DOCK3: variants seen among roughly 807,000 people sequenced by gnomAD.
DOCK3 encodes dedicator of cytokinesis 3, also known as dedicator of cytokinesis protein 3.
A neutral mutation model predicts 265.6 loss-of-function variants in DOCK3; 60 were observed. The ratio of observed to expected loss-of-function variants is 0.23; its 90% CI spans 0.18 to 0.28. DOCK3 has a LOEUF of 0.28. Ranked by LOEUF, DOCK3 falls within the 10% of genes least tolerant of loss-of-function variation. DOCK3 has a pLI of 1.00. For missense variants in DOCK3, 1,981 were observed against 2,594.3 expected (o/e 0.76, Z 5.14); for synonymous variants, 881 against 938.0 (o/e 0.94, Z 1.11).
intron 1 of DOCK3, among the ~76,000 whole-genome samples, chr3:50,709,484 C>T (rs556296031): frequency 1.8e-4 from 27 of 152,200 alleles, no homozygotes; most frequent in Non-Finnish European, 2.9e-4. Flanking sequence ...AAGGGGAAAG[C>T]GTTCAGTCCT....
At chr3:50,966,458 A>T (rs773573370) in intron 5 of DOCK3, among the ~76,000 whole-genome samples, 5 of 143,662 alleles carry the variant, frequency 3.5e-5, no homozygotes, top group Non-Finnish European at 7.6e-5. Flanking sequence ...TTTCTCTACA[A>T]CTTCATCAAT....
chr3:50,827,618 C>T (rs1485340760), intron 2 of DOCK3, among the ~76,000 whole-genome samples: 1 of 151,982 alleles, frequency 6.6e-6, no homozygotes, highest in Non-Finnish European at 1.5e-5. Flanking sequence ...TAGAATGGTG[C>T]AAAAGTAATT....
intron 9 of DOCK3, among the ~76,000 whole-genome samples, chr3:51,120,983 C>T (rs1363465899): frequency 1.3e-5 from 2 of 152,142 alleles, no homozygotes; most frequent in Admixed American, 6.5e-5. Flanking sequence ...ATGGTTCTGT[C>T]TCACTGGCGT....
chr3:50,716,005 T>A (rs1354847384), intron 1 of DOCK3, among the ~76,000 whole-genome samples: 1 of 152,176 alleles, frequency 6.6e-6, no homozygotes, highest in African/African-American at 2.4e-5. Flanking sequence ...TGTTTATAAT[T>A]ATATCCTAAG....
chr3:50,941,386 A>T (rs2076291122), intron 5 of DOCK3, among the ~76,000 whole-genome samples: 2 of 152,150 alleles, frequency 1.3e-5, no homozygotes, highest in African/African-American at 4.8e-5. Context: ...TACCTGTTAG[A>T]ATGACTGAAA....
At chr3:51,215,282 A>C (rs970443961) in intron 14 of DOCK3, among the ~76,000 whole-genome samples, 1 of 152,024 alleles carries the variant, frequency 6.6e-6, no homozygotes, top group African/African-American at 2.4e-5. Flanking sequence ...TAATTTTTGT[A>C]ATTTTTGTAG....
chr3:50,901,418 A>C (rs2049188228), intron 4 of DOCK3, among the ~76,000 whole-genome samples: 1 of 152,098 alleles, frequency 6.6e-6, no homozygotes, highest in Non-Finnish European at 1.5e-5. Flanking sequence ...GCTCCATGGG[A>C]ATGAGATCCA....
At chr3:50,734,394 TG>T (rs879676140) in intron 1 of DOCK3, among the ~76,000 whole-genome samples, 25 of 151,792 alleles carry the variant, frequency 1.6e-4, no homozygotes, top group Non-Finnish European at 3.2e-4. Flanking sequence ...CTCAGTTACT[TG>T]GGAGGCTGAG....
chr3:51,018,919 A>G (rs1052303088), intron 5 of DOCK3, among the ~76,000 whole-genome samples: 2 of 151,840 alleles, frequency 1.3e-5, no homozygotes, highest in Middle Eastern at 3.2e-3. Context: ...TTTATTGTAT[A>G]TATTGTTAGA....
rs545060313 is a variant in DOCK3, at chr3:51,006,019, A to G, written c.316-58429A>G. On this transcript the variant is annotated intron_variant, in intron 5 of 52. Coordinates refer to ENST00000266037, the MANE Select transcript of DOCK3 (RefSeq NM_004947.5). ...CTGCCCCTTTCTTTTAGTTCACTCC[A>G]GCTACCCTAGTTTCTTTTATATTCT... Among the ~76,000 whole-genome samples the G allele has an allele frequency of 9.9e-5, 15 of 152,216 alleles. No individual in the cohort carries two copies. The East Asian group carries it at 1.5e-3, about 16-fold the overall frequency.
intron 3 of DOCK3, among the ~76,000 whole-genome samples, chr3:50,876,526 A>G (rs2355701): frequency 0.057 from 8,695 of 151,986 alleles, 880 homozygotes; most frequent in African/African-American, 0.2. Context: ...CCTAATGGCA[A>G]ACCACAGTAA....
chr3:50,730,716 A>G (rs1349908564), intron 1 of DOCK3, among the ~76,000 whole-genome samples: 1 of 152,086 alleles, frequency 6.6e-6, no homozygotes, highest in Admixed American at 6.6e-5. Context: ...CTGTAGTCCT[A>G]GCTACTTGGG....
At chr3:51,091,681 T>TC (rs1440990881) in intron 9 of DOCK3, among the ~76,000 whole-genome samples, 6 of 27,432 alleles carry the variant, frequency 2.2e-4, no homozygotes, top group East Asian at 1.3e-3. Flanking sequence ...AGACTTGGTC[T>TC]CAAAAAAAAA....
chr3:50,716,521 C>T (rs930067733), intron 1 of DOCK3, among the ~76,000 whole-genome samples: 13 of 151,014 alleles, frequency 8.6e-5, no homozygotes, highest in African/African-American at 2.9e-4. Context: ...GAGCGAGACT[C>T]CGTCTCAAAA....
intron 27 of DOCK3, among the ~76,000 whole-genome samples, chr3:51,292,854 A>T (rs1163771779): frequency 6.6e-6 from 1 of 151,752 alleles, no homozygotes; most frequent in East Asian, 1.9e-4. Context: ...ATTTTTTTGT[A>T]TTTTTTGGTA....
At chr3:51,242,882 T>C (rs1394125082) in intron 21 of DOCK3, among the ~76,000 whole-genome samples, 1 of 151,846 alleles carries the variant, frequency 6.6e-6, no homozygotes, top group East Asian at 1.9e-4. Context: ...TTGCAGTGGG[T>C]CCTGGGGAAG....
chr3:51,376,295 A>G (rs1207991111), intron 51 of DOCK3, among the ~76,000 whole-genome samples: 1 of 152,188 alleles, frequency 6.6e-6, no homozygotes, highest in Non-Finnish European at 1.5e-5. Context: ...TTTCCCAAAG[A>G]CAGGCTTCTC....
intron 12 of DOCK3, among the ~76,000 whole-genome samples, chr3:51,200,232 A>G (rs1005025460): frequency 2.4e-4 from 36 of 151,288 alleles, no homozygotes; most frequent in African/African-American, 8.5e-4. Flanking sequence ...CAATCAAACT[A>G]CGAGCTACAG....
At chr3:51,218,837 A>C (rs931341154) in intron 14 of DOCK3, among the ~76,000 whole-genome samples, 3 of 152,218 alleles carry the variant, frequency 2.0e-5, no homozygotes, top group African/African-American at 7.2e-5. Flanking sequence ...CCCATAAAAC[A>C]CAGATTTCTG....
Sources: gnomAD v4.1 joint callset for allele counts (sites outside exome capture counted in the v4.1 genomes callset) on GRCh38, gnomAD v4.1.1 for gene constraint, MANE v1.5 for transcripts, NCBI Gene and HGNC (gene_info 2026-07-23, HGNC 2026-07-21) for gene names.